The following TMEM117 variants were observed in gnomAD, a reference collection of about 807,000 sequenced individuals.
TMEM117 encodes transmembrane protein 117.
Under a neutral mutation model 52.4 loss-of-function variants are expected in TMEM117, and 27 were observed. That is an observed-to-expected ratio of 0.51 (90% CI 0.38 to 0.71). The LOEUF (loss-of-function observed/expected upper bound fraction) is 0.71, where lower values mean the gene tolerates loss of function less well. TMEM117 is among the 30% of genes least tolerant of loss of function. The pLI, the probability that TMEM117 is intolerant of heterozygous loss-of-function variation, is 0.00. For synonymous variants in TMEM117, 215 were observed against 206.3 expected, an observed-to-expected ratio of 1.04 and a Z score of -0.36; for missense variants, 556 against 630.5, an observed-to-expected ratio of 0.88 and a Z score of 1.26.
intron 3 of TMEM117, among the ~76,000 whole-genome samples, chr12:44,093,076 G>T (rs1365569957): frequency 1.3e-5 from 2 of 152,080 alleles, no homozygotes; most frequent in Admixed American, 1.3e-4. Context: ...CAGAGATAGG[G>T]AATAAGACTG....
intron 3 of TMEM117, among the ~76,000 whole-genome samples, chr12:44,138,684 G>C (rs964219822): frequency 6.6e-6 from 1 of 152,152 alleles, no homozygotes; most frequent in Non-Finnish European, 1.5e-5. Flanking sequence ...ACAATTGTCT[G>C]CAGCTTTTTT....
chr12:44,049,250 A>C (rs1946929947), intron 3 of TMEM117, among the ~76,000 whole-genome samples: 1 of 152,198 alleles, frequency 6.6e-6, no homozygotes. Flanking sequence ...AGGTATTGAG[A>C]TCATGTCTTT....
intron 5 of TMEM117, among the ~76,000 whole-genome samples, chr12:44,225,432 T>C (rs1201948815): frequency 1.3e-5 from 2 of 152,180 alleles, no homozygotes; most frequent in Non-Finnish European, 2.9e-5. Context: ...AAGAACAGCA[T>C]GTTGCCAAGG....
intron 5 of TMEM117, among the ~76,000 whole-genome samples, chr12:44,289,847 T>C (rs1477812021): frequency 1.3e-5 from 2 of 152,088 alleles, no homozygotes; most frequent in African/African-American, 2.4e-5. Context: ...AGTCTAGGGA[T>C]CCCTTTTCTT....
intron 3 of TMEM117, among the ~76,000 whole-genome samples, chr12:43,998,639 T>G (rs1334962483): frequency 6.6e-6 from 1 of 152,208 alleles, no homozygotes; most frequent in Non-Finnish European, 1.5e-5. Flanking sequence ...CATAGGAAAT[T>G]ATTTTCATGA....
intron 5 of TMEM117, among the ~76,000 whole-genome samples, chr12:44,278,822 A>T (rs1950545192): frequency 6.6e-6 from 1 of 152,198 alleles, no homozygotes; most frequent in African/African-American, 2.4e-5. Flanking sequence ...GTCTAGGCAG[A>T]TGTATCCACT....
chr12:44,004,635 G>C (rs1946165582), intron 3 of TMEM117, among the ~76,000 whole-genome samples: 1 of 151,964 alleles, frequency 6.6e-6, no homozygotes, highest in Non-Finnish European at 1.5e-5. Context: ...ATTCTTTTTA[G>C]TGGCCAGTTT....
intron 2 of TMEM117, among the ~76,000 whole-genome samples, chr12:43,857,004 T>C (rs924872278): frequency 5.9e-5 from 9 of 152,180 alleles, no homozygotes; most frequent in Non-Finnish European, 1.3e-4. Context: ...TTTGTGTTCC[T>C]GTTATGTTCT....
intron 5 of TMEM117, among the ~76,000 whole-genome samples, chr12:44,281,123 C>G (rs923221456): frequency 6.6e-6 from 1 of 152,074 alleles, no homozygotes; most frequent in Non-Finnish European, 1.5e-5. Context: ...AAAATCTTTC[C>G]CCTTAGAATT....
intron 2 of TMEM117, among the ~76,000 whole-genome samples, chr12:43,867,496 G>A (rs958791015): frequency 2.6e-5 from 4 of 152,132 alleles, no homozygotes; most frequent in Admixed American, 6.6e-5. Context: ...AATTTTTTAC[G>A]CAGAAAAACT....
chr12:44,261,056 A>C (rs953013525), intron 5 of TMEM117, among the ~76,000 whole-genome samples: 10 of 152,240 alleles, frequency 6.6e-5, no homozygotes, highest in Non-Finnish European at 1.5e-4. Context: ...AATAGATTTT[A>C]AAATTGTGAG....
At chr12:43,798,533 G>GA in the TMEM117 span, 1 of 1,488,592 alleles carries the variant, frequency 6.7e-7, no homozygotes, top group Non-Finnish European at 8.9e-7. Context: ...ATTGGTTAAT[G>GA]AAAACATCAT....
At chr12:44,013,779 T>C (rs1050311964) in intron 3 of TMEM117, among the ~76,000 whole-genome samples, 8 of 152,206 alleles carry the variant, frequency 5.3e-5, no homozygotes, top group African/African-American at 1.9e-4. Flanking sequence ...CATGAATTCC[T>C]CCTTTGGTAA....
rs533540740 is a variant in TMEM117 at position 44,023,647 on chromosome 12, C to A, written c.410+79305C>A. Among the ~76,000 whole-genome samples the A allele has an allele frequency of 3.3e-5, 5 of 151,754 alleles. No homozygotes were observed. In the South Asian group the frequency reaches 8.3e-4, roughly 25 times the overall value. On this transcript the variant is annotated intron_variant, in intron 3 of 7. Coordinates refer to ENST00000266534, the MANE Select transcript of TMEM117 (RefSeq NM_032256.3). The stretch of plus-strand genomic sequence containing the variant: ...TCTTTTGAGAAGTGTCTGTTCATAT[C>A]CTTTGCCCACTTTTTGATGGGGTTG...
intron 3 of TMEM117, among the ~76,000 whole-genome samples, chr12:44,061,923 G>A (rs2137956618): frequency 6.6e-6 from 1 of 152,178 alleles, no homozygotes; most frequent in Admixed American, 6.5e-5. Context: ...TTTCCTCAGA[G>A]GCAGAGGAAA....
intron 2 of TMEM117, among the ~76,000 whole-genome samples, chr12:43,876,609 C>T (rs1298745582): frequency 6.6e-6 from 1 of 152,114 alleles, no homozygotes; most frequent in East Asian, 1.9e-4. Flanking sequence ...AGCCTTTAAC[C>T]TGTCCTGTCT....
intron 3 of TMEM117, among the ~76,000 whole-genome samples, chr12:43,956,576 A>T (rs1945311929): frequency 6.6e-6 from 1 of 151,590 alleles, no homozygotes; most frequent in African/African-American, 2.4e-5. Context: ...ACTGATCATT[A>T]GAGAAACGCA....
intron 5 of TMEM117, among the ~76,000 whole-genome samples, chr12:44,270,852 T>C (rs890834762): frequency 6.6e-6 from 1 of 152,202 alleles, no homozygotes; most frequent in African/African-American, 2.4e-5. Flanking sequence ...TCGGATGCTT[T>C]TTCTGCATCT....
At chr12:44,033,087 A>G (rs1403044367) in intron 3 of TMEM117, among the ~76,000 whole-genome samples, 1 of 152,208 alleles carries the variant, frequency 6.6e-6, no homozygotes, top group Admixed American at 6.5e-5. Context: ...GAGTTGCAGT[A>G]AAGAAACCAG....
Sources: allele counts gnomAD v4.1 joint callset (sites outside exome capture counted in the v4.1 genomes callset), GRCh38; gene constraint gnomAD v4.1.1; transcripts MANE v1.5; gene names NCBI Gene and HGNC (gene_info 2026-07-23, HGNC 2026-07-21).